Variants in EIF4E3 observed in about 807,000 individuals in gnomAD.
EIF4E3 encodes the protein eukaryotic translation initiation factor 4E type 3.
Under a neutral mutation model 31.7 loss-of-function variants are expected in EIF4E3, and 26 were observed. The ratio of observed to expected loss-of-function variants is 0.82; its 90% CI spans 0.60 to 1.14. EIF4E3 has a LOEUF of 1.14. EIF4E3 is among the 50% of genes most tolerant of loss of function. The pLI is 0.00. For missense variants in EIF4E3, 304 were observed against 270.9 expected, an observed-to-expected ratio of 1.12 and a Z score of -0.86; for synonymous variants, 128 against 107.7, an observed-to-expected ratio of 1.19 and a Z score of -1.17.
chr3:71,696,660 G>T, intron 3 of EIF4E3, 140 bp from the exon 4 acceptor site: 12 of 930,334 alleles, frequency 1.3e-5, no homozygotes, highest in South Asian at 5.6e-5. Flanking sequence ...TCTTATTTTT[G>T]TTTTTTATTT....
At chr3:71,695,320 C>T (rs565980064) in intron 4 of EIF4E3, among the ~76,000 whole-genome samples, 4 of 152,248 alleles carry the variant, frequency 2.6e-5, no homozygotes, top group Admixed American at 1.3e-4. Flanking sequence ...GGCATTTGCA[C>T]GGATATGAAA....
chr3:71,731,825 C>T (rs1014200502), intron 1 of EIF4E3, among the ~76,000 whole-genome samples: 1 of 152,182 alleles, frequency 6.6e-6, no homozygotes, highest in African/African-American at 2.4e-5. Flanking sequence ...AATCTGGAAT[C>T]TAGCCTTTGA....
At chr3:71,724,567 A>G (rs2049600630) in intron 1 of EIF4E3, among the ~76,000 whole-genome samples, 1 of 152,194 alleles carries the variant, frequency 6.6e-6, no homozygotes, top group African/African-American at 2.4e-5. Context: ...TGACAAGGTC[A>G]GCTGCTGCTC....
chr3:71,690,745 T>A (rs1190971378), intron 5 of EIF4E3, among the ~76,000 whole-genome samples: 1 of 152,200 alleles, frequency 6.6e-6, no homozygotes, highest in African/African-American at 2.4e-5. Context: ...TCTTCCTGCT[T>A]CCTGATGCCT....
At chr3:71,709,077 G>A (rs575504916) in intron 2 of EIF4E3, among the ~76,000 whole-genome samples, 6 of 152,132 alleles carry the variant, frequency 3.9e-5, no homozygotes, top group African/African-American at 1.4e-4. Flanking sequence ...CAGATACTGG[G>A]ACCATAGCCT....
At chr3:71,712,889 C>G (rs1397626635) in intron 1 of EIF4E3, among the ~76,000 whole-genome samples, 7 of 141,016 alleles carry the variant, frequency 5.0e-5, no homozygotes, top group Admixed American at 1.4e-4. Flanking sequence ...TGAAAATTTG[C>G]TATATATGGT....
At chr3:71,749,217 A>G (rs979565447) in intron 1 of EIF4E3, among the ~76,000 whole-genome samples, 2 of 152,228 alleles carry the variant, frequency 1.3e-5, no homozygotes. Context: ...TTGCCCAATG[A>G]GCCAAAGTCT....
chr3:71,692,950 G>A (rs978930339), intron 5 of EIF4E3, among the ~76,000 whole-genome samples: 1 of 152,118 alleles, frequency 6.6e-6, no homozygotes, highest in Non-Finnish European at 1.5e-5. Flanking sequence ...AAACAGAAGT[G>A]GAATGATTGG....
rs958403106 is a variant in EIF4E3, at chr3:71,710,536, T to C, written c.177-52A>G. ...CACAAACAAAACAAGCAGTCAGTGC[T>C]CACAAAACAGCCCACAGTAGAATCT... is the stretch of plus-strand genomic sequence containing the variant. On this transcript the variant is annotated intron_variant, in intron 1 of 6. Coordinates refer to ENST00000425534, the MANE Select transcript of EIF4E3 (RefSeq NM_001134651.2). 5 of 1,521,856 alleles carry C rather than the reference T, an allele frequency of 3.3e-6. No individual in the cohort carries two copies. In the African/African-American group the frequency reaches 4.1e-5, roughly 13 times the overall value. 94.3% of individuals were successfully genotyped at this position (1,521,856 alleles called of 1,614,324 possible).
intron 1 of EIF4E3, among the ~76,000 whole-genome samples, chr3:71,723,949 A>T (rs2049588950): frequency 6.6e-6 from 1 of 152,190 alleles, no homozygotes; most frequent in Non-Finnish European, 1.5e-5. Flanking sequence ...GTGCTATAAG[A>T]ACCCAAAAGG....
chr3:71,679,607 T>C lies in EIF4E3; in HGVS notation c.*5075A>G, dbSNP rs2048900177. ...TATACAATGGAACTCTGAATTTCAG[T>C]AGCAATGATGAACAAAAAAATACTG... On this transcript the variant is annotated 3_prime_UTR_variant, in exon 7 of 7. Coordinates refer to ENST00000425534, the MANE Select transcript of EIF4E3 (RefSeq NM_001134651.2). The C allele has an allele frequency of 6.6e-6, 1 of 152,202 alleles. No homozygotes were observed. The highest frequency in any genetic ancestry group is 2.4e-5 in the African/African-American group (1 of 41,450). The allele number at this position is 152,202 out of a possible 1,614,324, so 9.4% of individuals were successfully genotyped here. A position where few individuals can be genotyped will look rare whatever the true frequency, so the allele number is the denominator to read the frequency against.
In EIF4E3 at chr3:71,710,517, CAA is replaced by C. The variant is rs771521822; in HGVS notation, c.177-35_177-34del. On this transcript the variant is annotated intron_variant, in intron 1 of 6. Coordinates refer to ENST00000425534, the MANE Select transcript of EIF4E3 (RefSeq NM_001134651.2). The stretch of plus-strand genomic sequence containing the variant: ...AGCAGGAGCAGGACAAAGACACAAA[CAA>C]AACAAGCAGTCAGTGCTCACAAAAC... The C allele has an allele frequency of 4.1e-5, 63 of 1,549,938 alleles. 1 individual carries two copies. In the South Asian group the frequency reaches 7.5e-4, roughly 18 times the overall value.
upstream of EIF4E3, chr3:71,725,482 A>AGCCGCCCGCCGCCCGCCGCCCGCCGCCC (rs765946804): frequency 4.4e-6 from 2 of 452,586 alleles, no homozygotes; most frequent in African/African-American, 4.4e-5. The surrounding 1 kb of genome is among the most constrained non-coding windows in gnomAD (Gnocchi z 6.1). Context: ...GCCCCGGGCT[A>AGCCGCCCGCCGCCCGCCGCCCGCCGCCC]GCCGCCCGCC....
chr3:71,741,361 G>A (rs1275534623), intron 1 of EIF4E3, among the ~76,000 whole-genome samples: 2 of 152,106 alleles, frequency 1.3e-5, no homozygotes, highest in African/African-American at 4.8e-5. Flanking sequence ...AAAGAAAGCT[G>A]GAGAGGCTAT....
intron 1 of EIF4E3, among the ~76,000 whole-genome samples, chr3:71,722,426 G>A (rs1365702846): frequency 6.6e-6 from 1 of 152,156 alleles, no homozygotes; most frequent in African/African-American, 2.4e-5. Context: ...AGTCTTGTGG[G>A]AAAAAACTCA....
At chr3:71,725,995 T>A (rs1211550179), upstream of EIF4E3, among the ~76,000 whole-genome samples, 1 of 152,112 alleles carries the variant, frequency 6.6e-6, no homozygotes, top group Non-Finnish European at 1.5e-5. The surrounding 1 kb of genome is among the most constrained non-coding windows in gnomAD (Gnocchi z 6.1). Context: ...GAGACTCCAG[T>A]GCCCGCGAGT....
chr3:71,693,804 G>A (rs977418715), intron 5 of EIF4E3, 71 bp downstream of exon 5: 10 of 1,341,478 alleles, frequency 7.5e-6, no homozygotes, highest in Admixed American at 6.4e-5. Flanking sequence ...GTGATAACAA[G>A]CTGCTGCAAG....
the EIF4E3 span, among the ~76,000 whole-genome samples, chr3:71,663,189 G>A: frequency 3.0e-4 from 45 of 152,224 alleles, no homozygotes; most frequent in African/African-American, 1.1e-3. Flanking sequence ...GGGACACTGG[G>A]CGAAGGATGG....
intron 6 of EIF4E3, among the ~76,000 whole-genome samples, chr3:71,685,009 G>A (rs772109636): frequency 2.4e-4 from 37 of 152,294 alleles, no homozygotes; most frequent in African/African-American, 7.7e-4. Context: ...TCAGCAAGCC[G>A]ATGAAGAGAG....
Sources: allele counts gnomAD v4.1 joint callset (sites outside exome capture counted in the v4.1 genomes callset), GRCh38; gene constraint gnomAD v4.1.1; non-coding constraint Gnocchi (gnomAD v3.1); transcripts MANE v1.5; gene names NCBI Gene and HGNC (gene_info 2026-07-23, HGNC 2026-07-21).